Variants in KCNH8 observed in about 807,000 individuals in gnomAD.
KCNH8 encodes the protein potassium voltage-gated channel subfamily H member 8.
A neutral mutation model predicts 103.6 loss-of-function variants in KCNH8; 70 were observed. That is an observed-to-expected ratio of 0.68 (90% CI 0.56 to 0.82). KCNH8 has a LOEUF of 0.82. KCNH8 is among the 40% of genes least tolerant of loss of function. The probability of loss-of-function intolerance (pLI) is 0.00; values close to 1 mark genes in which losing one functional copy is unlikely to be tolerated. For missense variants in KCNH8, 1,217 were observed against 1,329.9 expected, an observed-to-expected ratio of 0.92 and a Z score of 1.32; for synonymous variants, 498 against 489.4, an observed-to-expected ratio of 1.02 and a Z score of -0.23.
chr3:19,347,687 G>A (rs1213872492), intron 4 of KCNH8, 38 bp from the exon 5 acceptor site: 13 of 1,607,094 alleles, frequency 8.1e-6, no homozygotes, highest in Middle Eastern at 1.9e-4. Flanking sequence ...TTCTAATGTT[G>A]TGTTTCTCCT....
chr3:19,471,319 A>G (rs1472862724), intron 11 of KCNH8, among the ~76,000 whole-genome samples: 1 of 152,222 alleles, frequency 6.6e-6, no homozygotes, highest in Non-Finnish European at 1.5e-5. Flanking sequence ...ACCTACTGCT[A>G]TATCCACCAG....
At chr3:19,422,109 T>G (rs912303219) in intron 7 of KCNH8, among the ~76,000 whole-genome samples, 2 of 152,068 alleles carry the variant, frequency 1.3e-5, no homozygotes, top group African/African-American at 4.8e-5. Context: ...GGTCAAAATA[T>G]CCTCCTTCAG....
At chr3:19,436,210 A>G (rs1044554391) in intron 7 of KCNH8, among the ~76,000 whole-genome samples, 1 of 152,114 alleles carries the variant, frequency 6.6e-6, no homozygotes, top group African/African-American at 2.4e-5. Flanking sequence ...TGTTTTTATC[A>G]TAAGTCAGTG....
chr3:19,443,024 TA>T (rs2067305380), intron 8 of KCNH8, among the ~76,000 whole-genome samples: 1 of 151,874 alleles, frequency 6.6e-6, no homozygotes, highest in Non-Finnish European at 1.5e-5. Context: ...TATTATGTAC[TA>T]TAAATTTATT....
At chr3:19,529,535 G>T (rs1382791974) in intron 15 of KCNH8, among the ~76,000 whole-genome samples, 3 of 152,082 alleles carry the variant, frequency 2.0e-5, no homozygotes, top group African/African-American at 7.2e-5. Flanking sequence ...CTTAGATAGT[G>T]GAAACACTGC....
chr3:19,205,676 T>A (rs1049999409), intron 1 of KCNH8, among the ~76,000 whole-genome samples: 1 of 151,720 alleles, frequency 6.6e-6, no homozygotes. Flanking sequence ...AGTAATAGCA[T>A]CAAGGAAGAT....
rs150473062 is a variant in KCNH8, at chr3:19,355,627, G to T, written c.811+7662G>T. ...AAACCATCATTCTGAGCAAACTGTT[G>T]CAAGGATAGAAAACCAAACATCCCA... On this transcript the variant is annotated intron_variant, in intron 5 of 15. Transcript: ENST00000328405. Among the ~76,000 whole-genome samples, 28 of 152,088 alleles carry T rather than the reference G, an allele frequency of 1.8e-4. 1 individual carries two copies. Among genetic ancestry groups the T allele is most frequent in the African/African-American group, 4.6e-4 (19 of 41,516 alleles).
chr3:19,497,352 G>T (rs189524161), intron 11 of KCNH8, among the ~76,000 whole-genome samples: 1 of 152,196 alleles, frequency 6.6e-6, no homozygotes, highest in East Asian at 1.9e-4. Flanking sequence ...GTTAATCTGA[G>T]ATATTTTTAA....
intron 2 of KCNH8, among the ~76,000 whole-genome samples, chr3:19,272,479 A>G (rs2064602790): frequency 1.3e-5 from 2 of 152,034 alleles, no homozygotes; most frequent in African/African-American, 4.8e-5. Context: ...CTAGCCAATG[A>G]TTGAGTGAGG....
intron 11 of KCNH8, among the ~76,000 whole-genome samples, chr3:19,473,923 C>A (rs1304062355): frequency 6.6e-6 from 1 of 152,116 alleles, no homozygotes; most frequent in African/African-American, 2.4e-5. Context: ...AAACGTAATT[C>A]TATTATGCTT....
chr3:19,182,516 G>A (rs2063463838), intron 1 of KCNH8, among the ~76,000 whole-genome samples: 1 of 152,178 alleles, frequency 6.6e-6, no homozygotes, highest in Non-Finnish European at 1.5e-5. Context: ...GGGCGACAGA[G>A]CGAGACTCCG....
chr3:19,397,341 G>C (rs974383162), intron 7 of KCNH8, among the ~76,000 whole-genome samples: 1 of 151,764 alleles, frequency 6.6e-6, no homozygotes, highest in Non-Finnish European at 1.5e-5. Flanking sequence ...CTAATCAGCT[G>C]TCAGATTTGC....
At chr3:19,219,160 C>T (rs1459052906) in intron 1 of KCNH8, among the ~76,000 whole-genome samples, 1 of 152,096 alleles carries the variant, frequency 6.6e-6, no homozygotes, top group Non-Finnish European at 1.5e-5. Flanking sequence ...GTTCCCTCTG[C>T]CTAGAACACT....
At chr3:19,277,425 G>A (rs151234312) in intron 2 of KCNH8, among the ~76,000 whole-genome samples, 16 of 152,118 alleles carry the variant, frequency 1.1e-4, no homozygotes, top group African/African-American at 3.6e-4. Flanking sequence ...CTAGCCAGGC[G>A]TGGTGGTGCA....
intron 7 of KCNH8, among the ~76,000 whole-genome samples, chr3:19,416,217 A>T (rs1243992829): frequency 6.6e-6 from 1 of 152,068 alleles, no homozygotes; most frequent in Non-Finnish European, 1.5e-5. Flanking sequence ...CAGTTTGTAC[A>T]TATTCTTTGT....
At chr3:19,390,355 C>T (rs2066418367) in intron 5 of KCNH8, 126 bp from the exon 6 acceptor site, 3 of 683,176 alleles carry the variant, frequency 4.4e-6, no homozygotes, top group Admixed American at 2.9e-5. Flanking sequence ...TTTTCTTCCT[C>T]CCTTCCTTCC....
chr3:19,231,784 G>T (rs894888658), intron 1 of KCNH8, among the ~76,000 whole-genome samples: 1 of 152,084 alleles, frequency 6.6e-6, no homozygotes, highest in Non-Finnish European at 1.5e-5. Context: ...TAAGTGTTTG[G>T]GGTCTGATTC....
intron 6 of KCNH8, among the ~76,000 whole-genome samples, chr3:19,392,528 A>G (rs780244023): frequency 5.9e-5 from 9 of 151,998 alleles, no homozygotes; most frequent in Non-Finnish European, 1.2e-4. Flanking sequence ...TCAGGAAAAC[A>G]TAAGTTATGA....
At chr3:19,453,671 G>A (rs771519391) in intron 10 of KCNH8, among the ~76,000 whole-genome samples, 55 of 152,144 alleles carry the variant, frequency 3.6e-4, no homozygotes, top group Non-Finnish European at 6.3e-4. Context: ...AATGGGATTC[G>A]TGTCTTTATA....
Sources: allele counts gnomAD v4.1 joint callset (sites outside exome capture counted in the v4.1 genomes callset), GRCh38; gene constraint gnomAD v4.1.1; transcripts MANE v1.5; gene names NCBI Gene and HGNC (gene_info 2026-07-23, HGNC 2026-07-21).